The following NFIB variants were observed in gnomAD, a reference collection of about 807,000 sequenced individuals.
NFIB encodes the protein nuclear factor I B.
NFIB carries 11 observed loss-of-function variants against 61.5 expected under a neutral mutation model. The ratio of observed to expected loss-of-function variants is 0.18; its 90% confidence interval spans 0.11 to 0.30. NFIB has a LOEUF of 0.30. Among genes scored for constraint, NFIB ranks in the 10% least tolerant of loss-of-function variants. NFIB has a pLI of 1.00. For missense variants in NFIB, 471 were observed against 608.9 expected (o/e 0.77, Z 2.38); for synonymous variants, 260 against 216.5 (o/e 1.20, Z -1.76).
intron 1 of NFIB, among the ~76,000 whole-genome samples, chr9:14,377,866 G>T (rs1233068739): frequency 2.0e-5 from 3 of 152,192 alleles, no homozygotes; most frequent in African/African-American, 7.2e-5. Context: ...AAGAACTTCT[G>T]AATTTCCCTA....
At chr9:14,384,079 G>A (rs1024827001) in intron 1 of NFIB, among the ~76,000 whole-genome samples, 8 of 152,286 alleles carry the variant, frequency 5.3e-5, no homozygotes, top group Admixed American at 2.6e-4. Flanking sequence ...TGAGGAGCAC[G>A]CCACATGCTT....
intron 2 of NFIB, among the ~76,000 whole-genome samples, chr9:14,296,535 G>C (rs1421774091): frequency 2.0e-5 from 3 of 152,190 alleles, no homozygotes; most frequent in Admixed American, 6.5e-5. Context: ...GAGATAATTA[G>C]GTCATGAGAT....
At position 14,307,535 on chromosome 9, in the gene NFIB, G is replaced by C. The variant is rs115108970; in HGVS notation, c.31-15C>G. On this transcript the variant is annotated splice_polypyrimidine_tract_variant and intron_variant, in intron 1 of 10. Transcript: ENST00000380953. This position sits in a 1 kb window ranked among gnomAD's most constrained non-coding sequence, Gnocchi z 5.3. ...TGAAATTCATCCTGTGGAAGACAGA[G>C]GGGTGAGGAAAAGATGTGCATAGTC... is the stretch of plus-strand genomic sequence containing the variant. The C allele has an allele frequency of 2.5e-6, 4 of 1,568,670 alleles. No individual in the cohort carries two copies. Among genetic ancestry groups the C allele is most frequent in the South Asian group, 2.4e-5 (2 of 85,106 alleles).
At position 14,272,399 on chromosome 9, in the gene NFIB, G is replaced by A. The variant is rs2057691870; in HGVS notation, c.562+34590C>T. On this transcript the variant is annotated intron_variant, in intron 2 of 10. Coordinates refer to ENST00000380953, the MANE Select transcript of NFIB (RefSeq NM_001190737.2). ...CATTTTTCCTTGCCATTATTTTAAA[G>A]GAAATAAATTATAACATGATATTTG... 2.0e-5 allele frequency among the ~76,000 whole-genome samples: 3 copies of A among 151,908 alleles called. No individual in the cohort carries two copies. In the South Asian group the frequency reaches 6.2e-4, roughly 32 times the overall value.
intron 1 of NFIB, among the ~76,000 whole-genome samples, chr9:14,330,958 C>T (rs543236296): frequency 6.6e-6 from 1 of 152,198 alleles, no homozygotes; most frequent in South Asian, 2.1e-4. Flanking sequence ...TACTGAGTTT[C>T]CCCGAGGTCT....
chr9:14,161,286 C>A (rs776712970), intron 3 of NFIB, among the ~76,000 whole-genome samples: 7 of 152,026 alleles, frequency 4.6e-5, no homozygotes, highest in African/African-American at 1.2e-4. Flanking sequence ...ATTGCAAAGA[C>A]GGTGATTTTC....
At chr9:14,202,128 TCA>T (rs3080833) in intron 2 of NFIB, among the ~76,000 whole-genome samples, 4,374 of 147,122 alleles carry the variant, frequency 0.03, 81 homozygotes, top group East Asian at 0.065. Context: ...TTGATACTTT[TCA>T]CACACACACA....
At chr9:14,204,775 G>A (rs947033905) in intron 2 of NFIB, 1 of 526,898 alleles carries the variant, frequency 1.9e-6, no homozygotes, top group Non-Finnish European at 3.4e-6. Flanking sequence ...GTCGTAAAAT[G>A]GGGGTCCCTT....
chr9:14,108,814 G>A (rs1049691239), intron 10 of NFIB, among the ~76,000 whole-genome samples: 1 of 152,012 alleles, frequency 6.6e-6, no homozygotes, highest in Non-Finnish European at 1.5e-5. Context: ...AGGCAAAAGT[G>A]AGCTCCTAAT....
intron 6 of NFIB, among the ~76,000 whole-genome samples, chr9:14,128,468 C>T (rs1006627659): frequency 1.3e-5 from 2 of 151,924 alleles, no homozygotes; most frequent in Non-Finnish European, 1.5e-5. Context: ...GAGGCTAAGG[C>T]GGGTGGATCG....
chr9:14,115,894 G>T (rs1349347966), intron 9 of NFIB, among the ~76,000 whole-genome samples: 1 of 152,156 alleles, frequency 6.6e-6, no homozygotes, highest in Non-Finnish European at 1.5e-5. Context: ...ATGTTACTCA[G>T]TGCAATTTCA....
chr9:14,346,284 A>C (rs1255525827), intron 1 of NFIB, among the ~76,000 whole-genome samples: 1 of 107,494 alleles, frequency 9.3e-6, no homozygotes. Context: ...ACACGAGGTA[A>C]CCGACACCCC....
At chr9:14,196,312 T>C (rs561341500) in intron 2 of NFIB, among the ~76,000 whole-genome samples, 1 of 152,268 alleles carries the variant, frequency 6.6e-6, no homozygotes, top group African/African-American at 2.4e-5. Flanking sequence ...ACTCTAGAAC[T>C]TTGAAAATCA....
At chr9:14,116,165 C>T (rs755626766) in intron 9 of NFIB, 43 bp downstream of exon 9, 142 of 1,443,194 alleles carry the variant, frequency 9.8e-5, no homozygotes, top group Non-Finnish European at 1.3e-4. Flanking sequence ...TTCTCATTTC[C>T]TATGGAAATA....
At chr9:14,514,037 C>G in the NFIB span, among the ~76,000 whole-genome samples, 1 of 152,086 alleles carries the variant, frequency 6.6e-6, no homozygotes, top group Non-Finnish European at 1.5e-5. Context: ...TAATTTTTAT[C>G]AATTGCTAGC....
chr9:14,234,429 G>C (rs968111635), intron 2 of NFIB, among the ~76,000 whole-genome samples: 1 of 151,700 alleles, frequency 6.6e-6, no homozygotes, highest in Non-Finnish European at 1.5e-5. Context: ...GAGTGCAGTG[G>C]CGGGATCTCG....
chr9:14,369,033 A>G (rs761034306), intron 1 of NFIB, among the ~76,000 whole-genome samples: 2 of 152,228 alleles, frequency 1.3e-5, no homozygotes, highest in African/African-American at 4.8e-5. Context: ...TGCCTGATAC[A>G]TAATATCTCA....
intron 4 of NFIB, among the ~76,000 whole-genome samples, chr9:14,154,654 A>T (rs150757198): frequency 6.6e-6 from 1 of 152,264 alleles, no homozygotes; most frequent in African/African-American, 2.4e-5. Context: ...AAAAAGACCC[A>T]TGAGAGAAGT....
chr9:14,121,587 T>C (rs2038947439), intron 7 of NFIB, among the ~76,000 whole-genome samples: 1 of 152,222 alleles, frequency 6.6e-6, no homozygotes, highest in Non-Finnish European at 1.5e-5. Flanking sequence ...AATGAAAATG[T>C]TTCTTTCAAA....
Sources: allele counts gnomAD v4.1 joint callset (sites outside exome capture counted in the v4.1 genomes callset), GRCh38; gene constraint gnomAD v4.1.1; non-coding constraint Gnocchi (gnomAD v3.1); transcripts MANE v1.5; gene names NCBI Gene and HGNC (gene_info 2026-07-23, HGNC 2026-07-21).